CRACD: variants seen among roughly 807,000 people sequenced by gnomAD.
CRACD encodes the protein capping protein inhibiting regulator of actin dynamics, also known as capping protein-inhibiting regulator of actin dynamics.
CRACD carries 56 observed loss-of-function variants against 106.8 expected under a neutral mutation model. That is an observed-to-expected ratio of 0.52 (90% CI 0.42 to 0.66). The LOEUF is 0.66. Among genes scored for constraint, CRACD ranks in the 30% least tolerant of loss-of-function variants. The pLI is 0.00. For synonymous variants in CRACD, 754 were observed against 670.8 expected, an observed-to-expected ratio of 1.12 and a Z score of -1.92; for missense variants, 1,730 against 1,623.2, an observed-to-expected ratio of 1.07 and a Z score of -1.13.
At chr4:56,220,123 A>T (rs147460823) in intron 2 of CRACD, among the ~76,000 whole-genome samples, 171 of 152,358 alleles carry the variant, frequency 1.1e-3, no homozygotes, top group African/African-American at 4.0e-3. Flanking sequence ...CAGTTACACT[A>T]GCTCCTTCAC....
At chr4:56,317,660 A>G (rs903831716) in intron 8 of CRACD, among the ~76,000 whole-genome samples, 3 of 152,148 alleles carry the variant, frequency 2.0e-5, no homozygotes, top group Non-Finnish European at 4.4e-5. Flanking sequence ...AGGTGTCTCC[A>G]TCAGACCTAT....
At chr4:56,057,364 T>C (rs1373320457) in intron 1 of CRACD, among the ~76,000 whole-genome samples, 1 of 152,216 alleles carries the variant, frequency 6.6e-6, no homozygotes, top group African/African-American at 2.4e-5. Context: ...CCATTGCCTG[T>C]TAGGTGTTTA....
chr4:56,266,205 C>G (rs1479846126), intron 2 of CRACD, among the ~76,000 whole-genome samples: 3 of 152,100 alleles, frequency 2.0e-5, no homozygotes, highest in Non-Finnish European at 2.9e-5. Flanking sequence ...AAAATTACAA[C>G]AGAAAAATGC....
At chr4:56,178,033 C>T (rs931471539) in intron 1 of CRACD, among the ~76,000 whole-genome samples, 2 of 152,104 alleles carry the variant, frequency 1.3e-5, no homozygotes, top group Non-Finnish European at 2.9e-5. Context: ...TTATTTCTCT[C>T]CATCTACTAA....
At chr4:56,158,343 A>G (rs1321695412) in intron 1 of CRACD, among the ~76,000 whole-genome samples, 1 of 152,170 alleles carries the variant, frequency 6.6e-6, no homozygotes, top group Non-Finnish European at 1.5e-5. Flanking sequence ...TTTGCCTGAA[A>G]ATCTCTTGAC....
At position 56,160,035 on chromosome 4, in the gene CRACD, C is replaced by T. The variant is rs549642967; in HGVS notation, c.-335-19249C>T. On this transcript the variant is annotated intron_variant, in intron 1 of 10. Coordinates refer to ENST00000682029, the MANE Select transcript of CRACD (RefSeq NM_001393381.1). ...ACCTCAGGTAATTCGCCCGCCTCGG[C>T]TTCCCAAAGTGCTGGGATTACAGCC... Among the ~76,000 whole-genome samples the T allele has an allele frequency of 4.6e-5, 7 of 152,230 alleles. No homozygotes were observed. In the South Asian group the frequency reaches 1.2e-3, roughly 27 times the overall value.
At chr4:56,207,161 C>T (rs1433177238) in intron 2 of CRACD, among the ~76,000 whole-genome samples, 1 of 152,206 alleles carries the variant, frequency 6.6e-6, no homozygotes, top group East Asian at 1.9e-4. Flanking sequence ...ACAACTGAAT[C>T]TCTGTAACAC....
At chr4:56,156,591 T>C (rs1188846340) in intron 1 of CRACD, among the ~76,000 whole-genome samples, 1 of 152,208 alleles carries the variant, frequency 6.6e-6, no homozygotes, top group Non-Finnish European at 1.5e-5. Context: ...CTTTACAACA[T>C]TTTTCCTGAC....
chr4:56,197,926 C>G (rs1190517745), intron 2 of CRACD, among the ~76,000 whole-genome samples: 1 of 152,200 alleles, frequency 6.6e-6, no homozygotes, highest in Non-Finnish European at 1.5e-5. Flanking sequence ...ATCCGCCCGC[C>G]TCGGCCTCCC....
chr4:56,234,820 T>G (rs1273018100), intron 2 of CRACD, among the ~76,000 whole-genome samples: 3 of 152,146 alleles, frequency 2.0e-5, no homozygotes, highest in African/African-American at 7.2e-5. Flanking sequence ...GGACTTCAAG[T>G]GAAAATGTTT....
chr4:56,301,628 A>T (rs1744375489), intron 4 of CRACD, among the ~76,000 whole-genome samples: 1 of 151,968 alleles, frequency 6.6e-6, no homozygotes, highest in Non-Finnish European at 1.5e-5. Context: ...AGACCCACGG[A>T]AGGGTGTCTG....
intron 1 of CRACD, among the ~76,000 whole-genome samples, chr4:56,101,681 T>C (rs1733778791): frequency 6.7e-6 from 1 of 150,252 alleles, no homozygotes; most frequent in Admixed American, 6.7e-5. Context: ...GAGAATCGCT[T>C]GAACCCAGCA....
Position 56,329,319 on chromosome 4 carries a change from C to T in CRACD, c.*1515C>T, listed in dbSNP as rs576302812. On this transcript the variant is annotated 3_prime_UTR_variant, in exon 11 of 11. Coordinates refer to ENST00000682029, the MANE Select transcript of CRACD (RefSeq NM_001393381.1). The stretch of plus-strand genomic sequence containing the variant: ...GTGCAGAGGGAATTACATCCTTTTT[C>T]CTCTCCTACAAAAACATGCTTTATT... Among the ~76,000 whole-genome samples, 1 of 152,290 alleles carries T rather than the reference C, an allele frequency of 6.6e-6. No individual in the cohort carries two copies. The highest frequency in any genetic ancestry group is 1.9e-4 in the East Asian group (1 of 5,180).
chr4:56,197,976 C>A (rs953336260), intron 2 of CRACD, among the ~76,000 whole-genome samples: 1 of 152,040 alleles, frequency 6.6e-6, no homozygotes, highest in African/African-American at 2.4e-5. Context: ...TGCACCCAGC[C>A]GGGTGATTTT....
chr4:56,250,761 A>G (rs77936954), intron 2 of CRACD, among the ~76,000 whole-genome samples: 2,729 of 152,304 alleles, frequency 0.018, 93 homozygotes, highest in African/African-American at 0.062. Flanking sequence ...TACCTCACAG[A>G]GTGGTCGTGA....
chr4:56,190,857 A>T (rs1737337974), intron 2 of CRACD, among the ~76,000 whole-genome samples: 1 of 152,108 alleles, frequency 6.6e-6, no homozygotes, highest in Non-Finnish European at 1.5e-5. Context: ...ACATTGCTCT[A>T]GCAGAGGTGC....
chr4:56,152,667 T>C (rs1735622412), intron 1 of CRACD, among the ~76,000 whole-genome samples: 1 of 151,992 alleles, frequency 6.6e-6, no homozygotes. Flanking sequence ...CCTCTGCAAC[T>C]CCAGCCTGGG....
At chr4:56,106,379 C>T (rs1047350474) in intron 1 of CRACD, among the ~76,000 whole-genome samples, 2 of 152,130 alleles carry the variant, frequency 1.3e-5, no homozygotes, top group Non-Finnish European at 2.9e-5. Context: ...GTTGATCCTA[C>T]GCTAAAGAGT....
intron 1 of CRACD, among the ~76,000 whole-genome samples, chr4:56,099,958 A>G (rs1733725037): frequency 6.6e-6 from 1 of 152,154 alleles, no homozygotes; most frequent in South Asian, 2.1e-4. Context: ...AATAAAGACA[A>G]CTGGCCAGGC....
Sources: allele counts gnomAD v4.1 joint callset (sites outside exome capture counted in the v4.1 genomes callset), GRCh38; gene constraint gnomAD v4.1.1; transcripts MANE v1.5; gene names NCBI Gene and HGNC (gene_info 2026-07-23, HGNC 2026-07-21).